The following TRABD2B variants were observed in gnomAD, a reference collection of about 807,000 sequenced individuals.
TRABD2B encodes metalloprotease TIKI2.
TRABD2B carries 14 observed loss-of-function variants against 40.1 expected under a neutral mutation model. The ratio of observed to expected loss-of-function variants is 0.35; its 90% CI spans 0.23 to 0.55. TRABD2B has a LOEUF of 0.55. Ranked by LOEUF, TRABD2B falls within the 20% of genes least tolerant of loss-of-function variation. The pLI, the probability that TRABD2B is intolerant of heterozygous loss-of-function variation, is 0.90. For synonymous variants in TRABD2B, 263 were observed against 277.0 expected (o/e 0.95, Z 0.50); for missense variants, 541 against 648.6 (o/e 0.83, Z 1.80).
chr1:47,789,435 G>T (rs1644640547), intron 4 of TRABD2B, among the ~76,000 whole-genome samples: 1 of 152,148 alleles, frequency 6.6e-6, no homozygotes, highest in Non-Finnish European at 1.5e-5. Context: ...TCTCTGCTGG[G>T]CTCTGATGCG....
At chr1:47,812,089 G>A (rs1476817477) in intron 2 of TRABD2B, among the ~76,000 whole-genome samples, 1 of 152,226 alleles carries the variant, frequency 6.6e-6, no homozygotes, top group Non-Finnish European at 1.5e-5. Context: ...CAGGCTTAAT[G>A]CATCGAGCTC....
intron 2 of TRABD2B, among the ~76,000 whole-genome samples, chr1:47,850,690 G>C (rs1200583787): frequency 6.6e-6 from 1 of 152,192 alleles, no homozygotes; most frequent in Non-Finnish European, 1.5e-5. Flanking sequence ...GCACCACTAA[G>C]AAGGAAGTGC....
intron 2 of TRABD2B, among the ~76,000 whole-genome samples, chr1:47,815,735 G>A (rs749143070): frequency 1.7e-4 from 25 of 151,350 alleles, no homozygotes; most frequent in Non-Finnish European, 3.0e-4. Context: ...CCAAGTGACT[G>A]AGGGTTGTGT....
intron 2 of TRABD2B, among the ~76,000 whole-genome samples, chr1:47,869,092 T>A (rs941887148): frequency 3.9e-5 from 6 of 152,162 alleles, no homozygotes; most frequent in African/African-American, 1.4e-4. Context: ...ATCCTCTACC[T>A]GTGCTTCCCC....
chr1:47,817,583 C>T (rs984312506), intron 2 of TRABD2B, among the ~76,000 whole-genome samples: 3 of 152,142 alleles, frequency 2.0e-5, no homozygotes, highest in South Asian at 4.1e-4. Context: ...GCACGGATGT[C>T]GGCTGTGAAG....
chr1:47,928,342 C>T, intron 2 of TRABD2B, among the ~76,000 whole-genome samples: 1 of 152,162 alleles, frequency 6.6e-6, no homozygotes, highest in East Asian at 1.9e-4. Context: ...TTTGGTTTTG[C>T]CACCTGTAAA....
chr1:47,849,803 C>T (rs976437279), intron 2 of TRABD2B, among the ~76,000 whole-genome samples: 4 of 152,216 alleles, frequency 2.6e-5, no homozygotes, highest in East Asian at 3.9e-4. Context: ...AAGGTTTTTG[C>T]TTTTGTTACC....
chr1:47,769,277 T>C (rs6701938), intron 6 of TRABD2B, among the ~76,000 whole-genome samples: 75,311 of 152,184 alleles, frequency 0.49, 19,428 homozygotes, highest in East Asian at 0.9. Context: ...AACTGTTGGT[T>C]TGGTGGGCTG....
chr1:47,782,369 G>A (rs1569916462), intron 4 of TRABD2B, among the ~76,000 whole-genome samples: 1 of 152,146 alleles, frequency 6.6e-6, no homozygotes, highest in East Asian at 1.9e-4. Context: ...TGCAGAAACT[G>A]CTCTCCTTGC....
intron 2 of TRABD2B, among the ~76,000 whole-genome samples, chr1:47,867,971 C>T (rs1017462951): frequency 2.0e-5 from 3 of 152,096 alleles, no homozygotes; most frequent in Non-Finnish European, 4.4e-5. Flanking sequence ...CCTTTATTAC[C>T]TCGAGGGCAG....
Position 47,856,948 on chromosome 1 carries a change from C to G in TRABD2B, c.667-55329G>C, listed in dbSNP as rs535870615. Among the ~76,000 whole-genome samples the G allele has an allele frequency of 2.6e-5, 4 of 152,344 alleles. No homozygotes were observed. The South Asian group carries it at 8.3e-4, about 32-fold the overall frequency. On this transcript the variant is annotated intron_variant, in intron 2 of 6. Transcript: ENST00000606738. ...GCCATTGATGTGCAGGAGAAGCTGTCACTCAGAGCTCCTCCACAGCCAGCT... is the reference window on the plus strand; with the variant it reads ...GCCATTGATGTGCAGGAGAAGCTGTGACTCAGAGCTCCTCCACAGCCAGCT...
chr1:47,893,763 G>C (rs1416508632), intron 2 of TRABD2B, among the ~76,000 whole-genome samples: 1 of 152,128 alleles, frequency 6.6e-6, no homozygotes, highest in Non-Finnish European at 1.5e-5. Context: ...TTATGAAAAA[G>C]TTCCCTGCCC....
chr1:47,898,143 G>C (rs547304029), intron 2 of TRABD2B, among the ~76,000 whole-genome samples: 1 of 152,170 alleles, frequency 6.6e-6, no homozygotes, highest in African/African-American at 2.4e-5. Flanking sequence ...AGGCATAAAA[G>C]CAGGCAGGTA....
chr1:47,908,962 A>G (rs1644714343), intron 2 of TRABD2B, among the ~76,000 whole-genome samples: 3 of 152,242 alleles, frequency 2.0e-5, no homozygotes, highest in Non-Finnish European at 4.4e-5. Flanking sequence ...AGGGCTGGAC[A>G]TCAGGAAGGT....
At chr1:47,916,623 GA>G (rs1644833269) in intron 2 of TRABD2B, among the ~76,000 whole-genome samples, 2 of 152,242 alleles carry the variant, frequency 1.3e-5, no homozygotes, top group African/African-American at 4.8e-5. Flanking sequence ...GGAAGCAGGA[GA>G]AATTTCTGCA....
intron 2 of TRABD2B, among the ~76,000 whole-genome samples, chr1:47,952,588 C>T (rs1008253681): frequency 6.6e-6 from 1 of 152,156 alleles, no homozygotes; most frequent in Non-Finnish European, 1.5e-5. Context: ...CCCTGACACT[C>T]GAAGGCCTCG....
chr1:47,952,768 T>A (rs1396096766), intron 2 of TRABD2B, among the ~76,000 whole-genome samples: 1 of 152,178 alleles, frequency 6.6e-6, no homozygotes, highest in Non-Finnish European at 1.5e-5. Context: ...ATACAGTATT[T>A]ACTGAACACC....
intron 2 of TRABD2B, among the ~76,000 whole-genome samples, chr1:47,828,967 A>G (rs2124441378): frequency 6.6e-6 from 1 of 152,276 alleles, no homozygotes; most frequent in Admixed American, 6.5e-5. Context: ...GCATCGGCCA[A>G]TGCTGCGGAT....
chr1:47,869,395 T>G (rs4926664), intron 2 of TRABD2B, among the ~76,000 whole-genome samples: 54,127 of 152,080 alleles, frequency 0.36, 9,772 homozygotes, highest in East Asian at 0.49. Context: ...AAACTCATTG[T>G]AACCACCAAA....
Sources: allele counts gnomAD v4.1 joint callset (sites outside exome capture counted in the v4.1 genomes callset), GRCh38; gene constraint gnomAD v4.1.1; transcripts MANE v1.5; gene names NCBI Gene and HGNC (gene_info 2026-07-23, HGNC 2026-07-21).